Variants in KIF11 observed in about 807,000 individuals in gnomAD.
KIF11 encodes the protein kinesin family member 11, also known as kinesin-like protein KIF11.
In KIF11, 9 loss-of-function variants were observed where a neutral mutation model predicts 121.0. That is an observed-to-expected ratio of 0.07 (90% CI 0.04 to 0.13). The LOEUF (loss-of-function observed/expected upper bound fraction) is 0.13, where lower values mean the gene tolerates loss of function less well. Ranked by LOEUF, KIF11 falls within the 10% of genes least tolerant of loss-of-function variation. KIF11 has a pLI of 1.00. For synonymous variants in KIF11, 408 were observed against 421.0 expected, an observed-to-expected ratio of 0.97 and a Z score of 0.38; for missense variants, 846 against 1,217.5, an observed-to-expected ratio of 0.69 and a Z score of 4.54.
At chr10:92,617,381 T>C (rs534125917) in intron 9 of KIF11, among the ~76,000 whole-genome samples, 17 of 152,262 alleles carry the variant, frequency 1.1e-4, no homozygotes, top group Admixed American at 8.5e-4. Context: ...GTTCCACTTA[T>C]AACATGTATC....
chr10:92,593,581 T>G (rs1844257328), intron 1 of KIF11, 129 bp downstream of exon 1: 1 of 756,300 alleles, frequency 1.3e-6, no homozygotes, highest in Non-Finnish European at 2.1e-6. Flanking sequence ...CCGCGTTCTG[T>G]TCAATAAAAA....
intron 1 of KIF11, among the ~76,000 whole-genome samples, chr10:92,598,953 T>A (rs1261707540): frequency 6.6e-6 from 1 of 152,086 alleles, no homozygotes; most frequent in Non-Finnish European, 1.5e-5. Context: ...AATTTTTGTA[T>A]TTTTACTAGA....
chr10:92,603,263 CTT>C (rs368046931), intron 1 of KIF11, among the ~76,000 whole-genome samples: 1,455 of 109,180 alleles, frequency 0.013, 25 homozygotes, highest in African/African-American at 0.049. Context: ...CTTTTCTTTT[CTT>C]TTTTTTTTTT....
chr10:92,618,643 CAAAAAAAA>C (rs369094008), intron 9 of KIF11, among the ~76,000 whole-genome samples: 7 of 89,500 alleles, frequency 7.8e-5, no homozygotes, highest in Non-Finnish European at 1.2e-4. Flanking sequence ...GGCTCTGTCT[CAAAAAAAA>C]AAAAAAGAAA....
At chr10:92,628,214 ACT>A (rs1844700017) in intron 10 of KIF11, among the ~76,000 whole-genome samples, 2 of 151,576 alleles carry the variant, frequency 1.3e-5, no homozygotes, top group Non-Finnish European at 1.5e-5. Context: ...AGGCTGAGAA[ACT>A]CTGCTCTAGA....
intron 10 of KIF11, among the ~76,000 whole-genome samples, chr10:92,626,068 C>A (rs1372137622): frequency 6.6e-6 from 1 of 152,182 alleles, no homozygotes; most frequent in Non-Finnish European, 1.5e-5. Context: ...ACAGAAAAAA[C>A]TATTGTAAAA....
intron 10 of KIF11, among the ~76,000 whole-genome samples, chr10:92,623,079 C>T (rs1302823087): frequency 6.6e-6 from 1 of 152,152 alleles, no homozygotes; most frequent in African/African-American, 2.4e-5. Context: ...GACAGAGAAC[C>T]AGACCATATC....
At chr10:92,648,129 A>C (rs1160499146) in intron 18 of KIF11, 83 bp from the exon 19 acceptor site, 2 of 984,386 alleles carry the variant, frequency 2.0e-6, no homozygotes, top group East Asian at 5.4e-5. Flanking sequence ...AAAATTATGG[A>C]AAAGGTAAGG....
At position 92,651,507 on chromosome 10, in the gene KIF11, GTTTTTT is replaced by G. The variant is rs1175303233; in HGVS notation, c.3039+1026_3039+1031del. Among the ~76,000 whole-genome samples the G allele has an allele frequency of 9.1e-4, 48 of 52,974 alleles. 4 individuals are homozygous for G. The highest frequency in any genetic ancestry group is 1.4e-3 in the African/African-American group (27 of 19,300). 34.8% of individuals were successfully genotyped at this position (52,974 alleles called of 152,430 possible). A position where few individuals can be genotyped will look rare whatever the true frequency, so the allele number is the denominator to read the frequency against. ...TGTGCCACCATGCCTGGCTAATTTT[GTTTTTT>G]TTTTTTTTTTTTTTTTTTTTTTTTT... On this transcript the variant is annotated intron_variant, in intron 21 of 21. Transcript: ENST00000260731.
At chr10:92,597,010 C>A (rs1000699357) in intron 1 of KIF11, 1 of 397,898 alleles carries the variant, frequency 2.5e-6, no homozygotes, top group Non-Finnish European at 5.1e-6. Flanking sequence ...CATTTGATAC[C>A]CAAATCTGTG....
intron 1 of KIF11, among the ~76,000 whole-genome samples, chr10:92,600,491 T>C (rs1844356572): frequency 6.6e-6 from 1 of 152,052 alleles, no homozygotes; most frequent in Admixed American, 6.5e-5. Flanking sequence ...CCACTGAATT[T>C]TAGGGTTTTC....
Position 92,607,155 on chromosome 10 carries a change from A to C in KIF11, c.309-4A>C. The C allele has an allele frequency of 6.3e-7, 1 of 1,576,506 alleles. No homozygotes were observed. The highest frequency in any genetic ancestry group is 8.7e-7 in the Non-Finnish European group (1 of 1,146,286). ...TTTGATTTAACACTTGTTAATCTTT[A>C]CAGGTATGGCCAAACTGGCACTGGA... On this transcript the variant is annotated splice_polypyrimidine_tract_variant and splice_region_variant and intron_variant, in intron 3 of 21. Transcript: ENST00000260731.
chr10:92,625,979 T>A (rs1038768733), intron 10 of KIF11, among the ~76,000 whole-genome samples: 1 of 152,156 alleles, frequency 6.6e-6, no homozygotes, highest in African/African-American at 2.4e-5. Context: ...GAAGAATCAA[T>A]ATTGTTAAAA....
chr10:92,632,432 T>G, intron 12 of KIF11, 54 bp from the exon 13 acceptor site: 1 of 1,138,514 alleles, frequency 8.8e-7, no homozygotes, highest in Non-Finnish European at 1.3e-6. Flanking sequence ...GATACTTTCA[T>G]CAGATTCCTT....
chr10:92,631,972 G>A (rs1428397528), intron 12 of KIF11, among the ~76,000 whole-genome samples: 2 of 152,140 alleles, frequency 1.3e-5, no homozygotes, highest in Admixed American at 6.5e-5. Flanking sequence ...ACCACGTCCG[G>A]CCATTAGGTG....
Position 92,628,820 on chromosome 10 carries a change from A to C in KIF11, c.1230A>C (p.Gly410=). The change falls in exon 11 of 22, where the codon GGA becomes GGC. Residue 410 remains glycine (G), a synonymous_variant. Coordinates refer to ENST00000260731, the MANE Select transcript of KIF11 (RefSeq NM_004523.4). ...AACTTTATTTTAGAGTCATGAGTGG[A>C]AAATTAACTGTTCAAGAAGAGCAGA... The part of the protein sequence containing the change: ...ISEENFRVMS[G]KLTVQEEQIV... 6.3e-7 allele frequency: 1 copy of C among 1,590,736 alleles called. No individual in the cohort carries two copies. The highest frequency in any genetic ancestry group is 8.6e-7 in the Non-Finnish European group (1 of 1,162,736).
At chr10:92,638,703 A>G (rs544734140) in intron 16 of KIF11, among the ~76,000 whole-genome samples, 1 of 152,380 alleles carries the variant, frequency 6.6e-6, no homozygotes, top group African/African-American at 2.4e-5. Flanking sequence ...TAAAATAATT[A>G]TGTAAAACTT....
At chr10:92,609,244 AAT>A in intron 5 of KIF11, 39 bp downstream of exon 5, 1 of 1,375,804 alleles carries the variant, frequency 7.3e-7, no homozygotes, top group Non-Finnish European at 9.9e-7. Flanking sequence ...TCTGAATTTT[AAT>A]GTGTGAGGCT....
At chr10:92,614,183 A>T (rs1483176800) in intron 8 of KIF11, among the ~76,000 whole-genome samples, 3 of 148,744 alleles carry the variant, frequency 2.0e-5, no homozygotes, top group African/African-American at 7.5e-5. Context: ...TGCAACCTCC[A>T]CCTCCCAGGT....
Sources: allele counts gnomAD v4.1 joint callset (sites outside exome capture counted in the v4.1 genomes callset), GRCh38; gene constraint gnomAD v4.1.1; transcripts MANE v1.5; gene names NCBI Gene and HGNC (gene_info 2026-07-23, HGNC 2026-07-21).